Variants in SLCO3A1 observed in about 807,000 individuals in gnomAD.
SLCO3A1 encodes the protein solute carrier organic anion transporter family member 3A1, also known as PGE1 transporter.
In SLCO3A1, 27 loss-of-function variants were observed where a neutral mutation model predicts 63.1. The ratio of observed to expected loss-of-function variants is 0.43; its 90% CI spans 0.32 to 0.59. The LOEUF (loss-of-function observed/expected upper bound fraction) is 0.59. Among genes scored for constraint, SLCO3A1 ranks in the 20% least tolerant of loss-of-function variants. The pLI is 0.09. For missense variants in SLCO3A1, 773 were observed against 945.8 expected (o/e 0.82, Z 2.40); for synonymous variants, 473 against 409.9 (o/e 1.15, Z -1.86).
chr15:91,884,823 C>T (rs1299184738), intron 1 of SLCO3A1, among the ~76,000 whole-genome samples: 2 of 152,164 alleles, frequency 1.3e-5, no homozygotes, highest in East Asian at 3.9e-4. Flanking sequence ...TGCCAGGCCC[C>T]ATGCTGCATA....
At chr15:91,891,067 A>G (rs1897856735) in intron 1 of SLCO3A1, among the ~76,000 whole-genome samples, 1 of 152,088 alleles carries the variant, frequency 6.6e-6, no homozygotes, top group African/African-American at 2.4e-5. Flanking sequence ...TAACTCATTA[A>G]TGAGGGAACC....
chr15:92,014,052 G>A (rs2151464673), intron 2 of SLCO3A1, among the ~76,000 whole-genome samples: 1 of 152,240 alleles, frequency 6.6e-6, no homozygotes, highest in Middle Eastern at 3.4e-3. Context: ...CTTACCCCCA[G>A]TGAGCAATGC....
At chr15:92,126,358 C>A in intron 6 of SLCO3A1, 99 bp downstream of exon 6, 1 of 956,278 alleles carries the variant, frequency 1.0e-6, no homozygotes, top group Non-Finnish European at 1.7e-6. Context: ...TCCTAGTGAC[C>A]TGAGGAGACG....
In SLCO3A1 at chr15:91,941,073, C is replaced by T. The variant is rs1037903454; in HGVS notation, c.646+24615C>T. On this transcript the variant is annotated intron_variant, in intron 2 of 9. Coordinates refer to ENST00000318445, the MANE Select transcript of SLCO3A1 (RefSeq NM_013272.4). This position sits in a 1 kb window ranked among gnomAD's most constrained non-coding sequence, Gnocchi z 4.4. ...ACCCTTTAAAATTTATGACCATTTT[C>T]TCTGACATTAACGTGCAAGCCTCTG... Among the ~76,000 whole-genome samples, 2 of 152,116 alleles carry T rather than the reference C, an allele frequency of 1.3e-5. No individual in the cohort carries two copies. The highest frequency in any genetic ancestry group is 2.9e-5 in the Non-Finnish European group (2 of 68,036).
chr15:92,094,740 C>A, intron 2 of SLCO3A1, 141 bp from the exon 3 acceptor site: 1 of 590,514 alleles, frequency 1.7e-6, no homozygotes, highest in African/African-American at 1.9e-5. Flanking sequence ...AGAAATTCAG[C>A]CTTTCCCCTC....
At chr15:92,029,439 A>G (rs1160169307) in intron 2 of SLCO3A1, among the ~76,000 whole-genome samples, 2 of 152,212 alleles carry the variant, frequency 1.3e-5, no homozygotes, top group African/African-American at 4.8e-5. Flanking sequence ...AGGTGTCCAT[A>G]TATAAACTCT....
Position 91,942,080 on chromosome 15 carries a change from C to T in SLCO3A1, c.646+25622C>T, listed in dbSNP as rs1899642247. Among the ~76,000 whole-genome samples, 1 of 152,152 alleles carries T rather than the reference C, an allele frequency of 6.6e-6. No individual in the cohort carries two copies. Among genetic ancestry groups the T allele is most frequent in the African/African-American group, 2.4e-5 (1 of 41,422 alleles). The stretch of plus-strand genomic sequence containing the variant: ...TCTTGTTCTTTATTCTAGACAATGC[C>T]ACCACCTACTGTTTTGCTGTTTAAA... On this transcript the variant is annotated intron_variant, in intron 2 of 9. Coordinates refer to ENST00000318445, the MANE Select transcript of SLCO3A1 (RefSeq NM_013272.4). The surrounding 1 kb of genome is among the most constrained non-coding windows in gnomAD (Gnocchi z 4.1).
intron 1 of SLCO3A1, among the ~76,000 whole-genome samples, chr15:91,892,410 T>C (rs1458422576): frequency 6.6e-6 from 1 of 152,210 alleles, no homozygotes; most frequent in Non-Finnish European, 1.5e-5. Flanking sequence ...GCCCAGGCCA[T>C]GTACCCTGGA....
At chr15:91,977,984 A>G (rs1238734977) in intron 2 of SLCO3A1, among the ~76,000 whole-genome samples, 1 of 152,226 alleles carries the variant, frequency 6.6e-6, no homozygotes, top group East Asian at 1.9e-4. Flanking sequence ...GTAGGCACTC[A>G]GTAAACACAG....
At chr15:91,866,227 AT>A (rs1897161010) in intron 1 of SLCO3A1, among the ~76,000 whole-genome samples, 1 of 152,196 alleles carries the variant, frequency 6.6e-6, no homozygotes, top group African/African-American at 2.4e-5. Context: ...GTAAAAAAAA[AT>A]CCTAGACAGA....
chr15:92,115,960 C>A (rs2047790550), intron 4 of SLCO3A1, among the ~76,000 whole-genome samples: 1 of 151,944 alleles, frequency 6.6e-6, no homozygotes, highest in South Asian at 2.1e-4. Context: ...CCTTTGACTA[C>A]CAGGAGTGGC....
intron 7 of SLCO3A1, among the ~76,000 whole-genome samples, chr15:92,136,137 T>A (rs764385687): frequency 2.0e-5 from 3 of 152,162 alleles, no homozygotes; most frequent in African/African-American, 2.4e-5. Context: ...AAAGAAATTT[T>A]CATGTATCTC....
At chr15:92,029,995 T>A (rs2046627039) in intron 2 of SLCO3A1, among the ~76,000 whole-genome samples, 2 of 152,178 alleles carry the variant, frequency 1.3e-5, no homozygotes, top group South Asian at 2.1e-4. Context: ...GTTGCATTAT[T>A]ACTCTAATAA....
At chr15:91,946,115 C>T (rs1038484595) in intron 2 of SLCO3A1, among the ~76,000 whole-genome samples, 1 of 152,222 alleles carries the variant, frequency 6.6e-6, no homozygotes, top group Non-Finnish European at 1.5e-5. Flanking sequence ...GGACTTCTTA[C>T]TTCAGGGAGT....
chr15:91,937,855 T>C (rs1380951601), intron 2 of SLCO3A1, among the ~76,000 whole-genome samples: 2 of 152,200 alleles, frequency 1.3e-5, no homozygotes, highest in Non-Finnish European at 2.9e-5. Flanking sequence ...AACAACTTTA[T>C]TGCTTCCTAG....
chr15:92,013,141 C>T (rs750041192), intron 2 of SLCO3A1, among the ~76,000 whole-genome samples: 30 of 152,158 alleles, frequency 2.0e-4, no homozygotes, highest in Non-Finnish European at 3.5e-4. Context: ...ATGTGGCAGA[C>T]CTTGAAGCTA....
chr15:92,097,230 G>A (rs1167240742), intron 3 of SLCO3A1, among the ~76,000 whole-genome samples: 2 of 152,128 alleles, frequency 1.3e-5, no homozygotes, highest in Non-Finnish European at 2.9e-5. Context: ...TTTTACAAAT[G>A]AGGAAACCAA....
At chr15:91,996,045 CAAAAT>C (rs368336704) in intron 2 of SLCO3A1, among the ~76,000 whole-genome samples, 2 of 151,930 alleles carry the variant, frequency 1.3e-5, no homozygotes, top group African/African-American at 4.8e-5. Context: ...AGGCAGGAAA[CAAAAT>C]AAGATTAGAA....
At chr15:92,128,168 T>C (rs1258633804) in intron 6 of SLCO3A1, among the ~76,000 whole-genome samples, 183 bp from the exon 7 acceptor site, 4 of 152,190 alleles carry the variant, frequency 2.6e-5, no homozygotes, top group African/African-American at 4.8e-5. Flanking sequence ...GGCCCTGGGC[T>C]GCTCCTTGCT....
Sources: allele counts gnomAD v4.1 joint callset (sites outside exome capture counted in the v4.1 genomes callset), GRCh38; gene constraint gnomAD v4.1.1; non-coding constraint Gnocchi (gnomAD v3.1); transcripts MANE v1.5; gene names NCBI Gene and HGNC (gene_info 2026-07-23, HGNC 2026-07-21).